The following GPHN variants were observed in gnomAD, a reference collection of about 807,000 sequenced individuals.
GPHN encodes gephyrin.
In GPHN, 17 loss-of-function variants were observed where a neutral mutation model predicts 95.5. The observed-to-expected ratio is 0.18, with a 90% CI of 0.12 to 0.27. The LOEUF is 0.27. GPHN is among the 10% of genes least tolerant of loss of function. The pLI, the probability that GPHN is intolerant of heterozygous loss-of-function variation, is 1.00. For missense variants in GPHN, 660 were observed against 978.1 expected (o/e 0.67, Z 4.34); for synonymous variants, 320 against 322.5 (o/e 0.99, Z 0.08).
At chr14:66,646,453 A>G (rs113458303) in intron 1 of GPHN, among the ~76,000 whole-genome samples, 1 of 152,156 alleles carries the variant, frequency 6.6e-6, no homozygotes, top group Non-Finnish European at 1.5e-5. Flanking sequence ...TGATTGTACA[A>G]TTCCAAGAAT....
the GPHN span, among the ~76,000 whole-genome samples, chr14:67,416,430 C>A: frequency 1.3e-5 from 2 of 152,112 alleles, no homozygotes; most frequent in Non-Finnish European, 2.9e-5. Context: ...AAAAGGAGGG[C>A]GTGTGGGGTC....
the GPHN span, among the ~76,000 whole-genome samples, chr14:67,477,261 C>G: frequency 1.3e-5 from 2 of 152,210 alleles, no homozygotes; most frequent in South Asian, 4.1e-4. Flanking sequence ...TGACCTTGCC[C>G]CGATTGACAT....
chr14:67,103,511 C>CTTTTTTTTTTTTT, intron 13 of GPHN, among the ~76,000 whole-genome samples: 22 of 53,396 alleles, frequency 4.1e-4, no homozygotes, highest in Non-Finnish European at 5.8e-4. Context: ...GTTTCTTTCT[C>CTTTTTTTTTTTTT]TTTTTTTTTT....
At chr14:67,586,238 C>A in the GPHN span, 1 of 1,156,252 alleles carries the variant, frequency 8.6e-7, no homozygotes, top group Non-Finnish European at 1.3e-6. Flanking sequence ...AATTAGTATT[C>A]CAAAGGTTCA....
At chr14:67,406,930 G>A in the GPHN span, among the ~76,000 whole-genome samples, 1 of 152,062 alleles carries the variant, frequency 6.6e-6, no homozygotes. Context: ...TCTCTTTTAG[G>A]TTTCTTGTCT....
the GPHN span, chr14:67,204,609 G>A: frequency 1.2e-6 from 2 of 1,613,794 alleles, no homozygotes; most frequent in Non-Finnish European, 1.7e-6. Flanking sequence ...TAAAGCTGGT[G>A]AGTGGTCGAG....
chr14:67,386,120 C>T, the GPHN span: 10 of 152,588 alleles, frequency 6.6e-5, 1 homozygote, highest in African/African-American at 2.2e-4. Context: ...TCAAACTAAA[C>T]GTAGTTTAAT....
the GPHN span, among the ~76,000 whole-genome samples, chr14:67,257,288 G>A: frequency 6.6e-6 from 1 of 152,234 alleles, no homozygotes; most frequent in Non-Finnish European, 1.5e-5. Flanking sequence ...GAACCTCAGA[G>A]GGGTGACTGA....
At chr14:67,682,915 C>T in the GPHN span, among the ~76,000 whole-genome samples, 45 of 152,302 alleles carry the variant, frequency 3.0e-4, 1 homozygote, top group African/African-American at 1.1e-3. Context: ...AAATGAAGTA[C>T]TGACACATGC....
At chr14:66,571,317 C>T (rs1262596370) in intron 1 of GPHN, among the ~76,000 whole-genome samples, 2 of 152,126 alleles carry the variant, frequency 1.3e-5, no homozygotes, top group Non-Finnish European at 1.5e-5. Context: ...GATCCAGTCA[C>T]CTCCTATCAG....
chr14:67,586,315 C>G, the GPHN span: 2 of 1,285,376 alleles, frequency 1.6e-6, no homozygotes, highest in Non-Finnish European at 2.2e-6. Flanking sequence ...AGGGAACTAA[C>G]TCTGGCCTAG....
chr14:66,803,469 G>A lies in GPHN; in HGVS notation c.202-21005G>A, dbSNP rs538580461. The stretch of plus-strand genomic sequence containing the variant: ...AATTGGTGTACTTGCAGGGGGTGGC[G>A]GAGGCAACAATTGGTGGAGCTTTTT... On this transcript the variant is annotated intron_variant, in intron 3 of 22. Transcript: ENST00000478722. 8.5e-5 allele frequency among the ~76,000 whole-genome samples: 13 copies of A among 152,196 alleles called. No individual in the cohort carries two copies. The East Asian group carries it at 1.5e-3, about 18-fold the overall frequency.
At chr14:67,456,656 G>C in the GPHN span, among the ~76,000 whole-genome samples, 1 of 151,864 alleles carries the variant, frequency 6.6e-6, no homozygotes, top group Non-Finnish European at 1.5e-5. Context: ...TGCGGGAAGA[G>C]GAATGCTTAC....
the GPHN span, among the ~76,000 whole-genome samples, chr14:67,671,110 T>C: frequency 1.3e-5 from 2 of 152,248 alleles, no homozygotes; most frequent in Non-Finnish European, 2.9e-5. Context: ...CAAACATTTA[T>C]TGAGCAGTGT....
chr14:67,514,535 T>C, the GPHN span, among the ~76,000 whole-genome samples: 7 of 152,048 alleles, frequency 4.6e-5, no homozygotes, highest in African/African-American at 1.7e-4. Flanking sequence ...AGTTTTTCCA[T>C]GCACCCTGGG....
At chr14:67,389,081 G>A in the GPHN span, among the ~76,000 whole-genome samples, 3 of 151,968 alleles carry the variant, frequency 2.0e-5, no homozygotes, top group Middle Eastern at 3.4e-3. Flanking sequence ...ACAAAACTGC[G>A]ATTGGTGGTA....
chr14:66,891,464 C>T (rs1404276576), intron 5 of GPHN, among the ~76,000 whole-genome samples: 1 of 151,910 alleles, frequency 6.6e-6, no homozygotes, highest in Non-Finnish European at 1.5e-5. Flanking sequence ...TGAAGTTGGA[C>T]CTTTGCCTAC....
At chr14:66,890,069 T>C (rs1334319069) in intron 5 of GPHN, among the ~76,000 whole-genome samples, 1 of 151,986 alleles carries the variant, frequency 6.6e-6, no homozygotes, top group Non-Finnish European at 1.5e-5. Flanking sequence ...CACAAAGAAA[T>C]AGAAAATCTG....
intron 2 of GPHN, among the ~76,000 whole-genome samples, chr14:66,719,429 C>T (rs2070517909): frequency 6.6e-6 from 1 of 152,136 alleles, no homozygotes; most frequent in East Asian, 1.9e-4. Context: ...GATGTGTGTT[C>T]GGGGGCTGAG....
Sources: allele counts gnomAD v4.1 joint callset (sites outside exome capture counted in the v4.1 genomes callset), GRCh38; gene constraint gnomAD v4.1.1; transcripts MANE v1.5; gene names NCBI Gene and HGNC (gene_info 2026-07-23, HGNC 2026-07-21).